The following ACOT7 variants were observed in gnomAD, a reference collection of about 807,000 sequenced individuals.
ACOT7 encodes the protein cytosolic acyl coenzyme A thioester hydrolase.
Under a neutral mutation model 40.2 loss-of-function variants are expected in ACOT7, and 12 were observed. The observed-to-expected ratio is 0.30, with a 90% CI of 0.19 to 0.48. ACOT7 has a LOEUF of 0.48. Ranked by LOEUF, ACOT7 falls within the 20% of genes least tolerant of loss-of-function variation. ACOT7 has a pLI of 0.99. For synonymous variants in ACOT7, 228 were observed against 219.5 expected (o/e 1.04, Z -0.34); for missense variants, 395 against 530.8 (o/e 0.74, Z 2.51).
chr1:6,383,511 A>T (rs577861450), intron 1 of ACOT7, among the ~76,000 whole-genome samples: 3 of 150,280 alleles, frequency 2.0e-5, no homozygotes, highest in Non-Finnish European at 3.0e-5. Flanking sequence ...TTTAACGGTA[A>T]ATTATATATT....
intron 2 of ACOT7, among the ~76,000 whole-genome samples, chr1:6,342,180 C>T (rs934796856): frequency 1.3e-5 from 2 of 152,178 alleles, no homozygotes; most frequent in African/African-American, 4.8e-5. Context: ...TGGTAAGGGC[C>T]GGCTTCCTGG....
chr1:6,366,540 T>C (rs1373701570), intron 1 of ACOT7, among the ~76,000 whole-genome samples: 1 of 151,480 alleles, frequency 6.6e-6, no homozygotes, highest in Non-Finnish European at 1.5e-5. Context: ...TGAGCTGTGA[T>C]TGCACCACTG....
At chr1:6,375,957 T>C (rs1642223007) in intron 1 of ACOT7, among the ~76,000 whole-genome samples, 1 of 139,594 alleles carries the variant, frequency 7.2e-6, no homozygotes, top group Non-Finnish European at 1.5e-5. Context: ...AAAAAAATTT[T>C]TTTAAATTAG....
intron 1 of ACOT7, among the ~76,000 whole-genome samples, chr1:6,372,284 G>A (rs1571349967): frequency 6.6e-6 from 1 of 152,130 alleles, no homozygotes; most frequent in Non-Finnish European, 1.5e-5. Flanking sequence ...TTACGGCCTT[G>A]CTCTGGATTA....
At chr1:6,316,709 C>T (rs1352653803) in intron 6 of ACOT7, among the ~76,000 whole-genome samples, 3 of 152,146 alleles carry the variant, frequency 2.0e-5, no homozygotes, top group African/African-American at 4.8e-5. Context: ...ACTTGGGAAG[C>T]TGAAGCGGGA....
intron 8 of ACOT7, among the ~76,000 whole-genome samples, chr1:6,272,674 G>A (rs140427350): frequency 6.6e-6 from 1 of 152,222 alleles, no homozygotes; most frequent in Admixed American, 6.5e-5. Flanking sequence ...ACCCCTTGCT[G>A]AGAGCGCCGA....
intron 2 of ACOT7, among the ~76,000 whole-genome samples, chr1:6,346,861 T>C (rs1641440335): frequency 6.6e-6 from 1 of 151,582 alleles, no homozygotes; most frequent in African/African-American, 2.4e-5. Context: ...GCCTCATGAG[T>C]TTGGGAGGGA....
chr1:6,363,712 C>T (rs995315450), intron 1 of ACOT7, among the ~76,000 whole-genome samples: 1 of 152,168 alleles, frequency 6.6e-6, no homozygotes, highest in Non-Finnish European at 1.5e-5. Flanking sequence ...AGATGATTCA[C>T]ACTCTTTACC....
chr1:6,337,074 T>G (rs1402917255), intron 3 of ACOT7, among the ~76,000 whole-genome samples: 1 of 152,236 alleles, frequency 6.6e-6, no homozygotes, highest in Non-Finnish European at 1.5e-5. Flanking sequence ...AAAGCCTTCA[T>G]GTGCTGGCAA....
intron 5 of ACOT7, among the ~76,000 whole-genome samples, chr1:6,319,249 G>C (rs1302422372): frequency 1.3e-5 from 2 of 152,218 alleles, no homozygotes; most frequent in East Asian, 3.8e-4. Flanking sequence ...CTGAAGTGCA[G>C]TGGCACAATC....
chr1:6,299,881 C>T lies in ACOT7; in HGVS notation c.713-4901G>A, dbSNP rs1479637352. Among the ~76,000 whole-genome samples, 1 of 152,168 alleles carries T rather than the reference C, an allele frequency of 6.6e-6. No homozygotes were observed. The highest frequency in any genetic ancestry group is 1.5e-5 in the Non-Finnish European group (1 of 68,034). ...GAATTCCACGGCATTTCCCACAGAC[C>T]AACTCTAAATACTGCCCTGGGCAGC... is the stretch of plus-strand genomic sequence containing the variant. On this transcript the variant is annotated intron_variant, in intron 6 of 8. Coordinates refer to ENST00000361521, the MANE Select transcript of ACOT7 (RefSeq NM_007274.4). This position sits in a 1 kb window ranked among gnomAD's most constrained non-coding sequence, Gnocchi z 4.1.
At chr1:6,287,287 A>T (rs915069230) in intron 7 of ACOT7, among the ~76,000 whole-genome samples, 3 of 152,216 alleles carry the variant, frequency 2.0e-5, no homozygotes, top group Non-Finnish European at 4.4e-5. Context: ...GTCGCTGGGG[A>T]CACCAAAGCA....
intron 1 of ACOT7, among the ~76,000 whole-genome samples, chr1:6,374,411 G>C (rs148326512): frequency 6.6e-6 from 1 of 152,240 alleles, no homozygotes; most frequent in African/African-American, 2.4e-5. Context: ...GGGTCAGTAC[G>C]GCCACCCTGA....
intron 2 of ACOT7, among the ~76,000 whole-genome samples, 157 bp downstream of exon 2, chr1:6,349,592 C>T (rs1641528996): frequency 6.6e-6 from 1 of 152,168 alleles, no homozygotes. Flanking sequence ...CTCTGAGGGT[C>T]CGGTGCAGAA....
At chr1:6,377,396 T>C (rs1014666312) in intron 1 of ACOT7, among the ~76,000 whole-genome samples, 3 of 152,106 alleles carry the variant, frequency 2.0e-5, no homozygotes, top group African/African-American at 7.2e-5. Context: ...AAATACATTA[T>C]GTAAAAACTT....
intron 8 of ACOT7, among the ~76,000 whole-genome samples, chr1:6,280,550 G>A (rs1639325836): frequency 6.6e-6 from 1 of 152,122 alleles, no homozygotes; most frequent in South Asian, 2.1e-4. Context: ...CCTGCATGAG[G>A]AGGAGAAAGG....
intron 6 of ACOT7, among the ~76,000 whole-genome samples, chr1:6,310,479 G>A (rs962197306): frequency 4.6e-5 from 7 of 152,254 alleles, no homozygotes; most frequent in African/African-American, 1.7e-4. Flanking sequence ...GGACCTCAGG[G>A]TGGCCAGGTC....
chr1:6,351,320 G>A (rs1044907878), intron 1 of ACOT7, among the ~76,000 whole-genome samples: 3 of 152,260 alleles, frequency 2.0e-5, no homozygotes, highest in African/African-American at 4.8e-5. Context: ...CCGGCACGGC[G>A]TGACACAGTG....
At chr1:6,354,468 G>A (rs898514557) in intron 1 of ACOT7, among the ~76,000 whole-genome samples, 1 of 152,254 alleles carries the variant, frequency 6.6e-6, no homozygotes, top group Non-Finnish European at 1.5e-5. Flanking sequence ...GCGATGTCCT[G>A]AGACAGGGAC....
Sources: allele counts gnomAD v4.1 joint callset (sites outside exome capture counted in the v4.1 genomes callset), GRCh38; gene constraint gnomAD v4.1.1; non-coding constraint Gnocchi (gnomAD v3.1); transcripts MANE v1.5; gene names NCBI Gene and HGNC (gene_info 2026-07-23, HGNC 2026-07-21).